Variants in CPED1 observed in about 807,000 individuals in gnomAD.
The protein encoded by CPED1 is cadherin like and PC-esterase domain containing 1, also known as cadherin-like and PC-esterase domain-containing protein 1.
CPED1 carries 114 observed loss-of-function variants against 128.2 expected under a neutral mutation model. The observed-to-expected ratio is 0.89, with a 90% CI of 0.76 to 1.04. CPED1 has a LOEUF of 1.04. Ranked by LOEUF, CPED1 falls within the 50% of genes least tolerant of loss-of-function variation. The pLI is 0.00. For missense variants in CPED1, 1,211 were observed against 1,207.1 expected (o/e 1.00, Z -0.05); for synonymous variants, 462 against 426.7 (o/e 1.08, Z -1.02).
Position 121,087,665 on chromosome 7 carries a change from C to CTTTTTTTTTTTTTTTTTTTTTTTTT in CPED1, c.617-10033_617-10032insTTTTTTTTTTTTTTTTTTTTTTTTT, listed in dbSNP as rs72453872. The stretch of plus-strand genomic sequence containing the variant: ...GGATTCTTTCTTTTTCTTTTCTTTC[C>CTTTTTTTTTTTTTTTTTTTTTTTTT]TGTTTTTTTTTTTTTGGCAGAGTCT... On this transcript the variant is annotated intron_variant, in intron 5 of 22. Transcript: ENST00000310396. Among the ~76,000 whole-genome samples the CTTTTTTTTTTTTTTTTTTTTTTTTT allele has an allele frequency of 2.0e-4, 26 of 131,566 alleles. 3 individuals are homozygous for CTTTTTTTTTTTTTTTTTTTTTTTTT. Among genetic ancestry groups the CTTTTTTTTTTTTTTTTTTTTTTTTT allele is most frequent in the African/African-American group, 6.9e-4 (22 of 31,720 alleles). 86.3% of individuals were successfully genotyped at this position (131,566 alleles called of 152,430 possible).
At chr7:121,032,550 G>T (rs1182097760) in intron 3 of CPED1, among the ~76,000 whole-genome samples, 3 of 149,272 alleles carry the variant, frequency 2.0e-5, no homozygotes, top group Non-Finnish European at 4.5e-5. Context: ...GTGTCGGGGT[G>T]GTGGGGTGGG....
intron 16 of CPED1, among the ~76,000 whole-genome samples, chr7:121,185,274 A>C (rs971012160): frequency 1.3e-5 from 2 of 152,132 alleles, no homozygotes; most frequent in African/African-American, 4.8e-5. Flanking sequence ...CTGTATCTCT[A>C]TACAGAGATG....
At chr7:121,063,426 C>A (rs902313753) in intron 4 of CPED1, among the ~76,000 whole-genome samples, 4 of 133,756 alleles carry the variant, frequency 3.0e-5, no homozygotes, top group Non-Finnish European at 6.2e-5. Flanking sequence ...CTCTTAAGTG[C>A]CCGAAGCGAG....
At chr7:121,086,944 A>G (rs1364555957) in intron 5 of CPED1, among the ~76,000 whole-genome samples, 2 of 152,214 alleles carry the variant, frequency 1.3e-5, no homozygotes, top group Non-Finnish European at 2.9e-5. Context: ...GGCTGACCTC[A>G]GAGGCAAACT....
chr7:121,195,740 G>A (rs777252146), intron 16 of CPED1, among the ~76,000 whole-genome samples: 23 of 152,262 alleles, frequency 1.5e-4, no homozygotes, highest in Non-Finnish European at 2.8e-4. Flanking sequence ...TATCTTCAGT[G>A]TAAAAACATT....
chr7:121,087,682 G>GA (rs1794466437), intron 5 of CPED1, among the ~76,000 whole-genome samples: 3 of 111,574 alleles, frequency 2.7e-5, no homozygotes, highest in South Asian at 5.1e-4. Context: ...TTTTTTTTTG[G>GA]CAGAGTCTTT....
intron 22 of CPED1, among the ~76,000 whole-genome samples, chr7:121,275,970 GA>G (rs5887027): frequency 2.0e-5 from 3 of 150,268 alleles, no homozygotes; most frequent in South Asian, 2.1e-4. Flanking sequence ...GACTTTTAGG[GA>G]AAAAAAAGAT....
chr7:121,199,163 A>T (rs1797332157), intron 16 of CPED1, among the ~76,000 whole-genome samples: 1 of 152,110 alleles, frequency 6.6e-6, no homozygotes, highest in Non-Finnish European at 1.5e-5. Context: ...TTAGATCATC[A>T]GTAGAAGCAC....
rs200014528 is a variant in CPED1 at position 121,127,101 on chromosome 7, T to C, written c.1146T>C (p.His382=). The C allele has an allele frequency of 5.7e-6, 9 of 1,590,228 alleles. No homozygotes were observed. The highest frequency in any genetic ancestry group is 8.5e-7 in the Non-Finnish European group (1 of 1,170,754). The change falls in exon 10 of 23, where the codon CAT becomes CAC. Residue 382 remains histidine, a synonymous_variant. Coordinates refer to ENST00000310396, the MANE Select transcript of CPED1 (RefSeq NM_024913.5). ...TTGTTCTTTCAAAGGTACACGAGCA[T>C]TTAAATTTTCAAGATTATGATAATA... ...MYPVVLQVHE[H]LNFQDYDNMD...
At chr7:121,016,355 TA>T (rs1792300725) in intron 3 of CPED1, among the ~76,000 whole-genome samples, 1 of 152,208 alleles carries the variant, frequency 6.6e-6, no homozygotes, top group Admixed American at 6.5e-5. Flanking sequence ...GACAAGTTTT[TA>T]AACAAGTTAT....
intron 7 of CPED1, among the ~76,000 whole-genome samples, chr7:121,121,032 G>T (rs1795373216): frequency 6.6e-6 from 1 of 150,894 alleles, no homozygotes; most frequent in Non-Finnish European, 1.5e-5. Flanking sequence ...AAGAAGGTTG[G>T]CAAGTTTAAC....
At chr7:121,026,912 C>A (rs1410334942) in intron 3 of CPED1, among the ~76,000 whole-genome samples, 2 of 146,072 alleles carry the variant, frequency 1.4e-5, no homozygotes, top group Admixed American at 1.4e-4. Flanking sequence ...CTCACTGCAG[C>A]CTTGACATCC....
intron 16 of CPED1, among the ~76,000 whole-genome samples, chr7:121,169,685 A>G (rs1796607406): frequency 6.6e-6 from 1 of 152,182 alleles, no homozygotes; most frequent in East Asian, 1.9e-4. Flanking sequence ...TTGTTGAATG[A>G]ATGGATGATC....
intron 16 of CPED1, among the ~76,000 whole-genome samples, chr7:121,234,657 C>A (rs554736138): frequency 3.3e-5 from 5 of 150,784 alleles, no homozygotes; most frequent in African/African-American, 1.2e-4. Context: ...CCTTGACATC[C>A]ACTGCCAGTC....
chr7:120,997,391 G>T (rs1197392867), intron 2 of CPED1, among the ~76,000 whole-genome samples: 2 of 152,184 alleles, frequency 1.3e-5, no homozygotes, highest in African/African-American at 4.8e-5. Flanking sequence ...AGTGTGGACA[G>T]GACTGGACTG....
At chr7:121,038,331 G>A (rs1017124090) in intron 3 of CPED1, among the ~76,000 whole-genome samples, 1 of 151,998 alleles carries the variant, frequency 6.6e-6, no homozygotes, top group African/African-American at 2.4e-5. Context: ...TATTAAGAAG[G>A]GGCTTTCAAC....
intron 2 of CPED1, among the ~76,000 whole-genome samples, chr7:120,994,357 A>G (rs1796358001): frequency 6.6e-6 from 1 of 152,102 alleles, no homozygotes; most frequent in Non-Finnish European, 1.5e-5. Flanking sequence ...TCATTCATTT[A>G]GTAAATATTT....
rs183082803 is a variant in CPED1 at position 121,067,342 on chromosome 7, C to T, written c.616+3029C>T. Among the ~76,000 whole-genome samples, 340 of 152,086 alleles carry T rather than the reference C, an allele frequency of 2.2e-3. 3 individuals carry two copies. The highest frequency in any genetic ancestry group is 7.5e-3 in the African/African-American group (312 of 41,468). ...ATGTGTTCTCATTGTTCAATTCCCA[C>T]CTATGAGTGAGAACATGTGGTGTTT... On this transcript the variant is annotated intron_variant, in intron 5 of 22. Coordinates refer to ENST00000310396, the MANE Select transcript of CPED1 (RefSeq NM_024913.5).
chr7:121,127,665 A>G (rs1367892611), intron 10 of CPED1, among the ~76,000 whole-genome samples: 2 of 151,020 alleles, frequency 1.3e-5, no homozygotes, highest in Admixed American at 1.3e-4. Context: ...CCTCCCAAGT[A>G]GCTGGGACTA....
Sources: gnomAD v4.1 joint callset for allele counts (sites outside exome capture counted in the v4.1 genomes callset) on GRCh38, gnomAD v4.1.1 for gene constraint, MANE v1.5 for transcripts, NCBI Gene and HGNC (gene_info 2026-07-23, HGNC 2026-07-21) for gene names.